The following PIEZO2 variants were observed in gnomAD, a reference collection of about 807,000 sequenced individuals.
PIEZO2 encodes the protein piezo type mechanosensitive ion channel component 2, also known as piezo-type mechanosensitive ion channel component 2.
PIEZO2 carries 172 observed loss-of-function variants against 337.3 expected under a neutral mutation model. The observed-to-expected ratio is 0.51, with a 90% CI of 0.45 to 0.58. The LOEUF (loss-of-function observed/expected upper bound fraction) is 0.58, where lower values mean the gene tolerates loss of function less well. PIEZO2 is among the 20% of genes least tolerant of loss of function. PIEZO2 has a pLI of 0.00. For synonymous variants in PIEZO2, 1,251 were observed against 1,228.5 expected (o/e 1.02, Z -0.38); for missense variants, 3,028 against 3,391.3 (o/e 0.89, Z 2.66).
Position 10,713,967 on chromosome 18 carries a change from T to C in PIEZO2, c.5423+797A>G, listed in dbSNP as rs114959340. 1.3e-5 allele frequency among the ~76,000 whole-genome samples: 2 copies of C among 152,126 alleles called. No individual in the cohort carries two copies. Among genetic ancestry groups the C allele is most frequent in the Non-Finnish European group, 2.9e-5 (2 of 68,022 alleles). On this transcript the variant is annotated intron_variant, in intron 39 of 55. Transcript: ENST00000674853. The surrounding 1 kb of genome is among the most constrained non-coding windows in gnomAD (Gnocchi z 4.5). Reference sequence around the variant, plus strand: ...AGGCTTTTCTGGGACAGGCAGTAAGTTGGTCTGCGGTGCAGGAAGAGGCAA... The same window carrying C: ...AGGCTTTTCTGGGACAGGCAGTAAGCTGGTCTGCGGTGCAGGAAGAGGCAA...
intron 2 of PIEZO2, among the ~76,000 whole-genome samples, chr18:11,043,395 C>T (rs1204157056): frequency 2.6e-5 from 4 of 152,208 alleles, no homozygotes; most frequent in East Asian, 3.9e-4. Flanking sequence ...AAATGTCCCA[C>T]GTATTAGTAT....
chr18:10,705,670 C>T lies in PIEZO2; in HGVS notation c.5665G>A (p.Glu1889Lys), dbSNP rs1242836450. Residue 1889 changes from glutamate to lysine, a missense_variant, in exon 41 of 56, where the codon GAG becomes AAG. By Grantham distance (56) the Glu-to-Lys change is moderately conservative. This residue lies in a region of PIEZO2 where 1,925 missense variants were observed against 2,051.9 expected (regional missense o/e 0.94). Coordinates refer to ENST00000674853, the MANE Select transcript of PIEZO2 (RefSeq NM_001378183.1). Reference protein sequence around the residue: ...ETIEEVEAEQEEEAGSTAPEP... With the variant: ...ETIEEVEAEQKEEAGSTAPEP... ...GGCGCCGTGCTCCCTGCCTCCTCCTCCTGCTCAGCCTCCACCTCCTCGATG... is the reference window on the plus strand; with the variant it reads ...GGCGCCGTGCTCCCTGCCTCCTCCTTCTGCTCAGCCTCCACCTCCTCGATG... 3.3e-6 allele frequency: 5 copies of T among 1,536,978 alleles called. No homozygotes were observed. Among genetic ancestry groups the T allele is most frequent in the South Asian group, 2.4e-5 (2 of 84,028 alleles).
In PIEZO2 at chr18:11,131,240, C is replaced by A. The variant is rs1174648014; in HGVS notation, c.64+17285G>T. 6.6e-5 allele frequency among the ~76,000 whole-genome samples: 10 copies of A among 152,170 alleles called. No individual in the cohort carries two copies. In the East Asian group the frequency reaches 1.9e-3, roughly 29 times the overall value. ...CCATCTAGCCATAAAGCGTGTCATGCACAGCAGCATTCCATCATCAAATGG... is the reference window on the plus strand; with the variant it reads ...CCATCTAGCCATAAAGCGTGTCATGAACAGCAGCATTCCATCATCAAATGG... On this transcript the variant is annotated intron_variant, in intron 1 of 55. Coordinates refer to ENST00000674853, the MANE Select transcript of PIEZO2 (RefSeq NM_001378183.1). This position sits in a 1 kb window ranked among gnomAD's most constrained non-coding sequence, Gnocchi z 5.3.
chr18:11,005,061 T>C (rs1429936893), intron 2 of PIEZO2, among the ~76,000 whole-genome samples: 1 of 152,230 alleles, frequency 6.6e-6, no homozygotes, highest in Middle Eastern at 3.2e-3. Context: ...GGCAAGAACA[T>C]TCCACTTCAA....
At position 11,033,952 on chromosome 18, in the gene PIEZO2, ATGT is replaced by A. The variant is rs998918706; in HGVS notation, c.160+32172_160+32174del. Among the ~76,000 whole-genome samples, 2 of 152,078 alleles carry A rather than the reference ATGT, an allele frequency of 1.3e-5. No individual in the cohort carries two copies. The highest frequency in any genetic ancestry group is 4.8e-5 in the African/African-American group (2 of 41,412). On this transcript the variant is annotated intron_variant, in intron 2 of 55. Coordinates refer to ENST00000674853, the MANE Select transcript of PIEZO2 (RefSeq NM_001378183.1). The surrounding 1 kb of genome is among the most constrained non-coding windows in gnomAD (Gnocchi z 4.2). ...ATACCTGAAAAACTTATACGAGCTAATGTTGTGCTGATTTGAAACTGAAGGGGA... is the reference window on the plus strand; with the variant it reads ...ATACCTGAAAAACTTATACGAGCTAATGTGCTGATTTGAAACTGAAGGGGA...
intron 4 of PIEZO2, among the ~76,000 whole-genome samples, chr18:10,893,361 G>A (rs570878198): frequency 6.6e-6 from 1 of 152,126 alleles, no homozygotes; most frequent in African/African-American, 2.4e-5. Context: ...ATTCCTCAGC[G>A]ATGTGCAGGC....
intron 3 of PIEZO2, among the ~76,000 whole-genome samples, chr18:10,918,398 G>A (rs780368082): frequency 9.9e-5 from 15 of 151,856 alleles, no homozygotes; most frequent in Non-Finnish European, 1.3e-4. Context: ...ATATCTAGAT[G>A]GCACAACCTT....
At position 10,999,053 on chromosome 18, in the gene PIEZO2, C is replaced by T. The variant is rs1041897946; in HGVS notation, c.161-19393G>A. On this transcript the variant is annotated intron_variant, in intron 2 of 55. Coordinates refer to ENST00000674853, the MANE Select transcript of PIEZO2 (RefSeq NM_001378183.1). ...ATGTGGCATGCAAATGTGGAGGATC[C>T]ATGGTTCTTTGGAGTGTGCCAATTT... Among the ~76,000 whole-genome samples, 5 of 151,974 alleles carry T rather than the reference C, an allele frequency of 3.3e-5. No homozygotes were observed. The East Asian group carries it at 9.7e-4, about 29-fold the overall frequency.
At chr18:10,918,375 G>A (rs1213435366) in intron 3 of PIEZO2, among the ~76,000 whole-genome samples, 1 of 151,878 alleles carries the variant, frequency 6.6e-6, no homozygotes, top group African/African-American at 2.4e-5. Context: ...TATTTTCCCT[G>A]ATCTGATCAT....
At chr18:10,738,788 T>A (rs1187617267) in intron 33 of PIEZO2, 1 of 152,232 alleles carries the variant, frequency 6.6e-6, no homozygotes, top group Non-Finnish European at 1.5e-5. Flanking sequence ...GGTATTAATT[T>A]AGGCAGTACT....
intron 1 of PIEZO2, among the ~76,000 whole-genome samples, chr18:11,086,847 G>GT (rs1481972914): frequency 6.6e-6 from 1 of 151,926 alleles, no homozygotes; most frequent in African/African-American, 2.4e-5. Flanking sequence ...AACCTCCAAG[G>GT]TTTTTTTCCG....
At chr18:10,684,631 A>ATT in intron 49 of PIEZO2, among the ~76,000 whole-genome samples, 3 of 150,882 alleles carry the variant, frequency 2.0e-5, no homozygotes, top group African/African-American at 7.3e-5. Flanking sequence ...CACCCGACTA[A>ATT]TTTTTTATAT....
intron 7 of PIEZO2, among the ~76,000 whole-genome samples, chr18:10,811,055 A>T (rs1230215394): frequency 6.6e-6 from 1 of 152,124 alleles, no homozygotes; most frequent in Non-Finnish European, 1.5e-5. Context: ...GTTCTTCATC[A>T]TTCTTTCCTT....
At chr18:10,985,923 A>T (rs2034852511) in intron 2 of PIEZO2, among the ~76,000 whole-genome samples, 1 of 152,002 alleles carries the variant, frequency 6.6e-6, no homozygotes, top group Non-Finnish European at 1.5e-5. Context: ...TGCTCCCATT[A>T]AAATATATAG....
chr18:11,117,539 T>A (rs4325640), intron 1 of PIEZO2, among the ~76,000 whole-genome samples: 131,410 of 152,284 alleles, frequency 0.86, 56,979 homozygotes, highest in African/African-American at 0.95. Flanking sequence ...ATTTACATAA[T>A]TTCAATGTAA....
At position 10,834,022 on chromosome 18, in the gene PIEZO2, TTTTA is replaced by T. The variant is rs1011261553; in HGVS notation, c.917+21327_917+21330del. Among the ~76,000 whole-genome samples, 1 of 152,212 alleles carries T rather than the reference TTTTA, an allele frequency of 6.6e-6. No homozygotes were observed. Among genetic ancestry groups the T allele is most frequent in the Non-Finnish European group, 1.5e-5 (1 of 68,034 alleles). On this transcript the variant is annotated intron_variant, in intron 7 of 55. Transcript: ENST00000674853. The surrounding 1 kb of genome is among the most constrained non-coding windows in gnomAD (Gnocchi z 4.5). ...TTAAACATTTTAAGCTAATTTCTGT[TTTTA>T]TTTTTTATGGGTAAGTGTATATGGG...
intron 2 of PIEZO2, among the ~76,000 whole-genome samples, chr18:11,041,273 C>T (rs1337169312): frequency 1.3e-5 from 2 of 152,206 alleles, no homozygotes; most frequent in African/African-American, 2.4e-5. Flanking sequence ...AAGCTGCCCT[C>T]CAGCTGCTAA....
chr18:11,088,898 G>T (rs533779438), intron 1 of PIEZO2, among the ~76,000 whole-genome samples: 11 of 152,330 alleles, frequency 7.2e-5, no homozygotes, highest in African/African-American at 2.6e-4. Context: ...CAGTGACTGA[G>T]ACTGGGGATG....
intron 13 of PIEZO2, among the ~76,000 whole-genome samples, chr18:10,792,373 CA>C (rs2039435805): frequency 6.6e-6 from 1 of 152,222 alleles, no homozygotes; most frequent in Admixed American, 6.5e-5. Flanking sequence ...ACCATCACTG[CA>C]ATCCATTTTG....
Sources: gnomAD v4.1 joint callset for allele counts (sites outside exome capture counted in the v4.1 genomes callset) on GRCh38, gnomAD v4.1.1 for gene constraint, gnomAD v4.1.1 regional missense constraint, Gnocchi (gnomAD v3.1) non-coding constraint, MANE v1.5 for transcripts, NCBI Gene and HGNC (gene_info 2026-07-23, HGNC 2026-07-21) for gene names.